UBR1: variants seen among roughly 807,000 people sequenced by gnomAD.
UBR1 encodes ubiquitin protein ligase E3 component n-recognin 1.
In UBR1, 102 loss-of-function variants were observed where a neutral mutation model predicts 242.1. That is an observed-to-expected ratio of 0.42 (90% CI 0.36 to 0.50). The LOEUF (loss-of-function observed/expected upper bound fraction) is 0.50. Ranked by LOEUF, UBR1 falls within the 20% of genes least tolerant of loss-of-function variation. The pLI is 0.01. For synonymous variants in UBR1, 675 were observed against 684.8 expected (o/e 0.99, Z 0.22); for missense variants, 1,772 against 2,101.8 (o/e 0.84, Z 3.07).
Position 42,984,948 on chromosome 15 carries a change from A to C in UBR1, c.3998-6T>G. 1.9e-6 allele frequency: 3 copies of C among 1,599,096 alleles called. No homozygotes were observed. Among genetic ancestry groups the C allele is most frequent in the Non-Finnish European group, 1.7e-6 (2 of 1,167,904 alleles). ...TTCATCTCCCAATAGATTTTCTCAA[A>C]GAATAAAAAAAAATAAAAATAATAA... On this transcript the variant is annotated splice_polypyrimidine_tract_variant and splice_region_variant and intron_variant, in intron 35 of 46. Coordinates refer to ENST00000290650, the MANE Select transcript of UBR1 (RefSeq NM_174916.3).
chr15:43,005,392 C>CCTGGCCAG (rs1418086763), intron 30 of UBR1, among the ~76,000 whole-genome samples: 22 of 151,168 alleles, frequency 1.5e-4, no homozygotes, highest in Non-Finnish European at 2.5e-4. Context: ...GCAGCCCCCG[C>CCTGGCCAG]CCGGCCAGCC....
Position 43,105,995 on chromosome 15 carries a change from C to T in UBR1, c.28G>A (p.Glu10Lys), listed in dbSNP as rs756224722. Reference protein sequence around the residue: MADEEAGGTERMEISAELPQ... With the variant: MADEEAGGTKRMEISAELPQ... ...AACTCCGCGCTGATTTCCATCCTCT[C>T]AGTACCTCCAGCCTCCTCGTCCGCC... is the stretch of plus-strand genomic sequence containing the variant. The change falls in exon 1 of 47, where the codon GAG (glutamate) becomes AAG (lysine). Residue 10 changes from glutamate to lysine, a missense_variant. Glu to Lys is a moderately conservative substitution (Grantham distance 56). This residue lies in a region of UBR1 where 734 missense variants were observed against 893.3 expected (regional missense o/e 0.82). Coordinates refer to ENST00000290650, the MANE Select transcript of UBR1 (RefSeq NM_174916.3). 1.2e-5 allele frequency: 19 copies of T among 1,613,832 alleles called. No homozygotes were observed. Among genetic ancestry groups the T allele is most frequent in the Non-Finnish European group, 2.5e-6 (3 of 1,179,948 alleles).
intron 4 of UBR1, among the ~76,000 whole-genome samples, chr15:43,073,156 A>T (rs2033844345): frequency 6.6e-6 from 1 of 152,124 alleles, no homozygotes; most frequent in African/African-American, 2.4e-5. Flanking sequence ...GTCTCAAAAA[A>T]ACAAAAAAAA....
Position 42,943,281 on chromosome 15 carries a change from C to A in UBR1, c.*2048G>T, listed in dbSNP as rs1020764612. ...CCTGTTGAACCAGTGCCTTCACATA[C>A]TACACTAAAGAAAATAAAGTGACTC... is the stretch of plus-strand genomic sequence containing the variant. On this transcript the variant is annotated 3_prime_UTR_variant, in exon 47 of 47. Transcript: ENST00000290650. The A allele has an allele frequency of 6.6e-6, 1 of 152,668 alleles. No homozygotes were observed. The highest frequency in any genetic ancestry group is 6.5e-5 in the Admixed American group (1 of 15,280). 9.5% of individuals were successfully genotyped at this position (152,668 alleles called of 1,614,324 possible).
Position 42,998,580 on chromosome 15 carries a change from A to C in UBR1, c.3660-315T>G, listed in dbSNP as rs117725364. On this transcript the variant is annotated intron_variant, in intron 32 of 46. Coordinates refer to ENST00000290650, the MANE Select transcript of UBR1 (RefSeq NM_174916.3). ...TCATTGATTTCTCTGATTCCCTCAC[A>C]CCCCACATTCTAATCTATTAATTAA... Among the ~76,000 whole-genome samples, 764 of 152,200 alleles carry C rather than the reference A, an allele frequency of 5.0e-3. 6 individuals carry two copies. Among genetic ancestry groups the C allele is most frequent in the Non-Finnish European group, 7.1e-3 (486 of 67,992 alleles).
At chr15:43,011,499 A>G (rs2032923106) in intron 29 of UBR1, among the ~76,000 whole-genome samples, 1 of 152,260 alleles carries the variant, frequency 6.6e-6, no homozygotes, top group Non-Finnish European at 1.5e-5. Flanking sequence ...AGAGGATAAA[A>G]TGTAAAAGGT....
chr15:43,075,956 G>GCCCTCT (rs200961790), intron 3 of UBR1, among the ~76,000 whole-genome samples: 1,712 of 105,290 alleles, frequency 0.016, 45 homozygotes, highest in African/African-American at 0.055. Flanking sequence ...AAAAACTCAT[G>GCCCTCT]CCCTCTCCCT....
At position 43,046,236 on chromosome 15, in the gene UBR1, T is replaced by C. The variant is rs144187739; in HGVS notation, c.1668+925A>G. Among the ~76,000 whole-genome samples the C allele has an allele frequency of 2.6e-3, 399 of 152,294 alleles. 4 individuals are homozygous for C. The highest frequency in any genetic ancestry group is 0.02 in the Admixed American group (299 of 15,292). On this transcript the variant is annotated intron_variant, in intron 14 of 46. Coordinates refer to ENST00000290650, the MANE Select transcript of UBR1 (RefSeq NM_174916.3). ...TGTGCTTGCTGGACAGTATTTCCTG[T>C]GGTGATTGTACTAAAAAGCTACAGT...
rs574688541 is a variant in UBR1, at chr15:42,978,886, G to A, written c.4151-939C>T. Among the ~76,000 whole-genome samples, 39 of 141,258 alleles carry A rather than the reference G, an allele frequency of 2.8e-4. No individual in the cohort carries two copies. The South Asian group carries it at 8.8e-3, about 32-fold the overall frequency. 92.7% of individuals were successfully genotyped at this position (141,258 alleles called of 152,430 possible). A position where few individuals can be genotyped will look rare whatever the true frequency, so the allele number is the denominator to read the frequency against. ...TGGGATTGCAGGCACGCGCCACCAC[G>A]CCCGGCTTTTTTTTTTTTTTTTTTT... On this transcript the variant is annotated intron_variant, in intron 37 of 46. Transcript: ENST00000290650.
chr15:43,102,899 T>G (rs1341962624), intron 1 of UBR1, among the ~76,000 whole-genome samples: 1 of 152,242 alleles, frequency 6.6e-6, no homozygotes, highest in Non-Finnish European at 1.5e-5. Flanking sequence ...CTGGGCGTAG[T>G]GGCTCACGCC....
chr15:43,083,138 C>G (rs2033991841), intron 2 of UBR1, among the ~76,000 whole-genome samples: 1 of 152,162 alleles, frequency 6.6e-6, no homozygotes. Context: ...AGACAAAGTT[C>G]ATTAGAATGC....
chr15:43,016,551 A>T (rs963975794), intron 28 of UBR1, among the ~76,000 whole-genome samples: 1 of 152,190 alleles, frequency 6.6e-6, no homozygotes, highest in Non-Finnish European at 1.5e-5. Context: ...TCACTAAAAT[A>T]TATTAAAAGT....
intron 30 of UBR1, among the ~76,000 whole-genome samples, chr15:43,005,194 C>G (rs1596096159): frequency 6.6e-6 from 1 of 152,188 alleles, no homozygotes; most frequent in East Asian, 1.9e-4. Flanking sequence ...GCCGCCCCAT[C>G]TGGGAAGTGA....
intron 12 of UBR1, among the ~76,000 whole-genome samples, chr15:43,052,975 T>C (rs1349013318): frequency 6.6e-6 from 1 of 152,202 alleles, no homozygotes; most frequent in African/African-American, 2.4e-5. Flanking sequence ...TAAGATTATA[T>C]CAAGTACCTT....
chr15:43,070,891 A>C lies in UBR1; in HGVS notation c.563T>G (p.Val188Gly). ...TGAAGGAAATATTTTCCTGGCTTGG[A>C]CAATTACCTCTTCATTCAACGGACA... ...SRCPLNEEVI[V>G]QARKIFPSVI... The change falls in exon 5 of 47, where the codon GTC becomes GGC. Residue 188 changes from valine to glycine, a missense_variant. Coordinates refer to ENST00000290650, the MANE Select transcript of UBR1 (RefSeq NM_174916.3). The C allele has an allele frequency of 1.2e-6, 2 of 1,613,720 alleles. No individual in the cohort carries two copies. Among genetic ancestry groups the C allele is most frequent in the Non-Finnish European group, 1.7e-6 (2 of 1,179,978 alleles).
chr15:42,972,455 G>T (rs567814431), intron 39 of UBR1, among the ~76,000 whole-genome samples: 2 of 151,848 alleles, frequency 1.3e-5, no homozygotes, highest in African/African-American at 2.4e-5. Context: ...TGCAACCCCC[G>T]CCTCCTGGGT....
intron 38 of UBR1, among the ~76,000 whole-genome samples, chr15:42,977,606 G>C (rs1416487360): frequency 1.3e-5 from 2 of 149,490 alleles, no homozygotes; most frequent in African/African-American, 4.9e-5. Context: ...AGCATAATAT[G>C]AATTAGAAAA....
intron 27 of UBR1, among the ~76,000 whole-genome samples, chr15:43,019,685 C>T (rs575010823): frequency 6.8e-6 from 1 of 147,846 alleles, no homozygotes; most frequent in Non-Finnish European, 1.5e-5. Flanking sequence ...AGAGTTCAGG[C>T]GATTCTCCTG....
chr15:43,060,616 G>A (rs2141338293), intron 6 of UBR1, among the ~76,000 whole-genome samples: 1 of 152,176 alleles, frequency 6.6e-6, no homozygotes, highest in African/African-American at 2.4e-5. Flanking sequence ...TTACCCACCT[G>A]TAAAAATTCA....
Sources: allele counts gnomAD v4.1 joint callset (sites outside exome capture counted in the v4.1 genomes callset), GRCh38; gene constraint gnomAD v4.1.1; regional missense constraint gnomAD v4.1.1; transcripts MANE v1.5; gene names NCBI Gene and HGNC (gene_info 2026-07-23, HGNC 2026-07-21).